HMCN2: variants seen among roughly 807,000 people sequenced by gnomAD.
HMCN2 encodes hemicentin-2.
In HMCN2, 325 loss-of-function variants were observed where a neutral mutation model predicts 377.5. The ratio of observed to expected loss-of-function variants is 0.86; its 90% CI spans 0.79 to 0.94. The LOEUF is 0.94. HMCN2 is among the 40% of genes least tolerant of loss of function. The pLI is 0.00. For missense variants in HMCN2, 4,543 were observed against 4,725.3 expected (o/e 0.96, Z 1.13); for synonymous variants, 2,007 against 2,046.8 (o/e 0.98, Z 0.53).
intron 48 of HMCN2, among the ~76,000 whole-genome samples, chr9:130,374,200 T>A (rs1841250839): frequency 6.8e-6 from 1 of 146,430 alleles, no homozygotes; most frequent in Non-Finnish European, 1.5e-5. Flanking sequence ...GATGGTTGGA[T>A]GGATGGATGG....
In HMCN2 at chr9:130,386,518, G is replaced by A. The variant is rs1002985099; in HGVS notation, c.9385G>A (p.Val3129Ile). The A allele has an allele frequency of 1.6e-5, 21 of 1,302,822 alleles. No individual in the cohort carries two copies. The Admixed American group carries it at 2.8e-4, about 17-fold the overall frequency. 80.7% of individuals were successfully genotyped at this position (1,302,822 alleles called of 1,614,324 possible). The part of the protein sequence containing the change: ...GEAVRTFTLT[V>I]QVPPTFENPK... Reference sequence around the variant, plus strand: ...GGCCGTGCGGACCTTCACCCTCACCGTCCAGGGTAAGCCAGGGACCAGCCT... The same window carrying A: ...GGCCGTGCGGACCTTCACCCTCACCATCCAGGGTAAGCCAGGGACCAGCCT... Residue 3129 changes from valine (V) to isoleucine (I), a missense_variant, in exon 61 of 98, where the codon GTC (valine) becomes ATC (isoleucine). Physicochemically the swap from Val to Ile is conservative, Grantham distance 29. Transcript: ENST00000683500.
At chr9:130,425,645 T>TCCCCCCCCCCCCC in intron 89 of HMCN2, 42 bp from the exon 90 acceptor site, 8 of 683,074 alleles carry the variant, frequency 1.2e-5, no homozygotes, top group South Asian at 3.4e-5. Flanking sequence ...TTTCTCCCTC[T>TCCCCCCCCCCCCC]CCCCCACCCC....
At chr9:130,325,083 T>TCTA (rs1838057329) in intron 19 of HMCN2, among the ~76,000 whole-genome samples, 4 of 68,432 alleles carry the variant, frequency 5.8e-5, no homozygotes, top group Non-Finnish European at 3.2e-5. Flanking sequence ...CTTTTCTTCT[T>TCTA]CTTCTTCTTC....
intron 1 of HMCN2, among the ~76,000 whole-genome samples, chr9:130,272,118 A>G (rs78402298): frequency 0.018 from 2,764 of 149,550 alleles, 211 homozygotes; most frequent in African/African-American, 0.028. Flanking sequence ...CCCACGGGAA[A>G]CAGCTTTATT....
intron 89 of HMCN2, 28 bp from the exon 90 acceptor site, chr9:130,425,659 T>TCCCCC: frequency 2.1e-5 from 8 of 373,292 alleles, no homozygotes; most frequent in South Asian, 7.1e-5. Flanking sequence ...CCACCCCTCC[T>TCCCCC]CCTCCTCCCC....
chr9:130,273,448 C>A (rs1834508133), intron 1 of HMCN2, among the ~76,000 whole-genome samples: 1 of 150,618 alleles, frequency 6.6e-6, no homozygotes, highest in African/African-American at 2.4e-5. Context: ...TCAGCAAAAA[C>A]TGTCAGAACA....
intron 4 of HMCN2, among the ~76,000 whole-genome samples, chr9:130,291,117 G>T (rs115901817): frequency 0.01 from 1,569 of 152,230 alleles, 26 homozygotes; most frequent in African/African-American, 0.036. Context: ...TCCAGGAAGC[G>T]TTTCCCTTAG....
chr9:130,284,402 C>A (rs1835305155), intron 1 of HMCN2, among the ~76,000 whole-genome samples: 2 of 152,154 alleles, frequency 1.3e-5, no homozygotes, highest in African/African-American at 4.8e-5. Flanking sequence ...TGCTTTGGTG[C>A]TGGGCATGGG....
rs1192698950 is a variant in HMCN2 at position 130,418,796 on chromosome 9, C to T, written c.12986C>T (p.Pro4329Leu). The change falls in exon 86 of 98, where the codon CCC becomes CTC. Residue 4329 changes from proline (P) to leucine (L), a missense_variant. Physicochemically the swap from Pro to Leu is moderately conservative, Grantham distance 98. Coordinates refer to ENST00000683500, the MANE Select transcript of HMCN2 (RefSeq NM_001291815.2). ...LQSAPVFQVE[P>L]QDMTVRSGDD... ...GGTGCTCCGGTGTTCCAGGTGGAGCCCCAGGACATGACAGTGAGATCTGGG... is the reference window on the plus strand; with the variant it reads ...GGTGCTCCGGTGTTCCAGGTGGAGCTCCAGGACATGACAGTGAGATCTGGG... The T allele has an allele frequency of 1.4e-6, 2 of 1,467,842 alleles. No individual in the cohort carries two copies. Among genetic ancestry groups the T allele is most frequent in the African/African-American group, 1.4e-5 (1 of 70,828 alleles). 90.9% of individuals were successfully genotyped at this position (1,467,842 alleles called of 1,614,324 possible).
Position 130,389,461 on chromosome 9 carries a change from G to C in HMCN2, c.9523+921G>C, listed in dbSNP as rs560451172. 3.9e-5 allele frequency among the ~76,000 whole-genome samples: 6 copies of C among 152,186 alleles called. No individual in the cohort carries two copies. In the South Asian group the frequency reaches 1.2e-3, roughly 32 times the overall value. ...GCTTTCTGTCTCTGTGGATTGGCCT[G>C]TTCTGGGCATTTCACATTAATGGCA... On this transcript the variant is annotated intron_variant, in intron 62 of 97. Transcript: ENST00000683500.
In HMCN2 at chr9:130,432,442, C is replaced by T. The variant is rs749700986; in HGVS notation, c.14781C>T (p.Cys4927=). 9.0e-6 allele frequency: 14 copies of T among 1,551,060 alleles called. No individual in the cohort carries two copies. In the East Asian group the frequency reaches 1.5e-4, roughly 16 times the overall value. ...SGKNCQDINE[C]EEESIECGPG... ...TTCCCCATCCAGACATCAACGAGTGCGAGGAGGAGAGCATCGAGTGTGGAC... is the reference window on the plus strand; with the variant it reads ...TTCCCCATCCAGACATCAACGAGTGTGAGGAGGAGAGCATCGAGTGTGGAC... The change falls in exon 97 of 98, where the codon TGC becomes TGT. Residue 4927 remains cysteine (C), a synonymous_variant. Transcript: ENST00000683500.
At chr9:130,427,226 G>A (rs1844430763) in intron 90 of HMCN2, 87 bp from the exon 91 acceptor site, 2 of 1,371,268 alleles carry the variant, frequency 1.5e-6, no homozygotes, top group African/African-American at 1.4e-5. Context: ...GCTGGCAGTG[G>A]GGGAGCTGTG....
At chr9:130,281,750 C>T (rs576865266) in intron 1 of HMCN2, among the ~76,000 whole-genome samples, 25 of 152,084 alleles carry the variant, frequency 1.6e-4, no homozygotes, top group African/African-American at 5.8e-4. Context: ...AAAAATTAGC[C>T]GGGTGTGGTG....
intron 86 of HMCN2, among the ~76,000 whole-genome samples, chr9:130,420,148 C>T (rs1843920159): frequency 7.3e-6 from 1 of 137,230 alleles, no homozygotes; most frequent in African/African-American, 2.7e-5. Flanking sequence ...AATCTCGGTT[C>T]ACTGCAAGCT....
chr9:130,433,504 G>A lies in HMCN2; in HGVS notation c.15051G>A (p.Glu5017=). 5 of 1,494,540 alleles carry A rather than the reference G, an allele frequency of 3.3e-6. No homozygotes were observed. Among genetic ancestry groups the A allele is most frequent in the Middle Eastern group, 3.5e-4 (2 of 5,778 alleles). The allele number at this position is 1,494,540 out of a possible 1,614,324, so 92.6% of individuals were successfully genotyped here. ...TCGGCGTCCCCGCCAACCGCACCGA[G>A]CTCAGCATGCTGGAGCCCGACCCCC... ...SEVGVPANRT[E]LSMLEPDPRS... Residue 5017 remains glutamate, a synonymous_variant, in exon 98 of 98, where the codon GAG becomes GAA. Transcript: ENST00000683500.
rs1401592524 is a variant in HMCN2 at position 130,308,167 on chromosome 9, G to C, written c.2200+601G>C. Among the ~76,000 whole-genome samples the C allele has an allele frequency of 6.6e-6, 1 of 152,088 alleles. No homozygotes were observed. Among genetic ancestry groups the C allele is most frequent in the Non-Finnish European group, 1.5e-5 (1 of 68,024 alleles). Reference sequence around the variant, plus strand: ...AGATGGGGTTTTACCATGTTGGACAGGCTAGTCTGGAACTCCTGACCTCAG... The same window carrying C: ...AGATGGGGTTTTACCATGTTGGACACGCTAGTCTGGAACTCCTGACCTCAG... On this transcript the variant is annotated intron_variant, in intron 14 of 97. Transcript: ENST00000683500. This position sits in a 1 kb window ranked among gnomAD's most constrained non-coding sequence, Gnocchi z 4.1.
chr9:130,355,237 G>C (rs1288790615), intron 32 of HMCN2, among the ~76,000 whole-genome samples, 193 bp downstream of exon 32: 1 of 152,170 alleles, frequency 6.6e-6, no homozygotes, highest in African/African-American at 2.4e-5. Context: ...GAGTGGGCAG[G>C]GTGGAGCCCC....
chr9:130,360,339 A>G lies in HMCN2; in HGVS notation c.5774-89A>G, dbSNP rs117804993. On this transcript the variant is annotated intron_variant, in intron 37 of 97. Transcript: ENST00000683500. The surrounding 1 kb of genome is among the most constrained non-coding windows in gnomAD (Gnocchi z 4.7). ...GCATCTCTCTTCCTTTCCCCCTTGC[A>G]TCTCTCTTCCTTTCCCCCTTACTTC... 1 of 352,204 alleles carries G rather than the reference A, an allele frequency of 2.8e-6. No homozygotes were observed. The highest frequency in any genetic ancestry group is 3.7e-6 in the Non-Finnish European group (1 of 270,106). The allele number at this position is 352,204 out of a possible 1,614,324, so 21.8% of individuals were successfully genotyped here.
intron 26 of HMCN2, 60 bp from the exon 27 acceptor site, chr9:130,348,485 C>T (rs1564802043): frequency 7.8e-7 from 1 of 1,286,534 alleles, no homozygotes; most frequent in Non-Finnish European, 1.0e-6. Flanking sequence ...AGATGAGGTC[C>T]CTTCGGCTGT....
Sources: allele counts gnomAD v4.1 joint callset (sites outside exome capture counted in the v4.1 genomes callset), GRCh38; gene constraint gnomAD v4.1.1; non-coding constraint Gnocchi (gnomAD v3.1); transcripts MANE v1.5; gene names NCBI Gene and HGNC (gene_info 2026-07-23, HGNC 2026-07-21).